PTPRT: variants seen among roughly 807,000 people sequenced by gnomAD.
The protein encoded by PTPRT is receptor-type tyrosine-protein phosphatase T.
PTPRT carries 56 observed loss-of-function variants against 176.8 expected under a neutral mutation model. The ratio of observed to expected loss-of-function variants is 0.32; its 90% CI spans 0.26 to 0.40. The LOEUF (loss-of-function observed/expected upper bound fraction) is 0.40, where lower values mean the gene tolerates loss of function less well. PTPRT is among the 10% of genes least tolerant of loss of function. The pLI is 1.00. For synonymous variants in PTPRT, 783 were observed against 739.0 expected, an observed-to-expected ratio of 1.06 and a Z score of -0.96; for missense variants, 1,540 against 1,908.2, an observed-to-expected ratio of 0.81 and a Z score of 3.60.
intron 5 of PTPRT, 34 bp downstream of exon 5, chr20:42,771,400 TA>T (rs2077060348): frequency 6.4e-7 from 1 of 1,553,298 alleles, no homozygotes; most frequent in Admixed American, 1.7e-5. Context: ...TTTCTCATCC[TA>T]ACGAGTCTGA....
rs201766609 is a variant in PTPRT at position 42,300,777 on chromosome 20, T to TTA, written c.2139+14944_2139+14945dup. ...ATTTGTATTATTATTATTATTATTATTATTTATTATTATTATACTTTAAGT... is the reference window on the plus strand; with the variant it reads ...ATTTGTATTATTATTATTATTATTATTATATTTATTATTATTATACTTTAAGT... On this transcript the variant is annotated intron_variant, in intron 12 of 30. Transcript: ENST00000373187. Among the ~76,000 whole-genome samples, 913 of 149,144 alleles carry TTA rather than the reference T, an allele frequency of 6.1e-3. 11 individuals are homozygous for TTA. The highest frequency in any genetic ancestry group is 0.022 in the African/African-American group (873 of 40,558).
chr20:42,658,578 C>T (rs1332088876), intron 7 of PTPRT, among the ~76,000 whole-genome samples: 1 of 152,172 alleles, frequency 6.6e-6, no homozygotes, highest in Non-Finnish European at 1.5e-5. Flanking sequence ...GTGCACTGGG[C>T]AACCAAAAGT....
intron 7 of PTPRT, among the ~76,000 whole-genome samples, chr20:42,579,655 G>A (rs1359296087): frequency 6.6e-6 from 1 of 152,154 alleles, no homozygotes; most frequent in East Asian, 1.9e-4. Context: ...TTCTCTGATG[G>A]CCAGTGATGA....
At chr20:42,933,793 C>T (rs1367875016) in intron 1 of PTPRT, among the ~76,000 whole-genome samples, 1 of 152,078 alleles carries the variant, frequency 6.6e-6, no homozygotes, top group African/African-American at 2.4e-5. Context: ...AAGAAGAGGC[C>T]ACGTCTTCAG....
intron 1 of PTPRT, among the ~76,000 whole-genome samples, chr20:43,158,883 T>C (rs1176511944): frequency 6.6e-6 from 1 of 152,218 alleles, no homozygotes; most frequent in Non-Finnish European, 1.5e-5. Context: ...TGGTTTATAT[T>C]GTGCAGTAAG....
intron 11 of PTPRT, among the ~76,000 whole-genome samples, chr20:42,338,678 C>G (rs1405202105): frequency 6.6e-6 from 1 of 152,148 alleles, no homozygotes; most frequent in African/African-American, 2.4e-5. Context: ...ATTGATTCCT[C>G]TTCCTACTTT....
intron 7 of PTPRT, among the ~76,000 whole-genome samples, chr20:42,555,546 T>G (rs1291109241): frequency 6.6e-6 from 1 of 152,164 alleles, no homozygotes; most frequent in Admixed American, 6.5e-5. Flanking sequence ...TAGGATGTGT[T>G]ATTGTTCAAT....
intron 7 of PTPRT, among the ~76,000 whole-genome samples, chr20:42,592,892 C>G (rs867931085): frequency 1.3e-5 from 2 of 152,196 alleles, no homozygotes; most frequent in Non-Finnish European, 2.9e-5. Flanking sequence ...TCTTCTGTAT[C>G]CTTTGTCAGT....
At position 43,106,666 on chromosome 20, in the gene PTPRT, G is replaced by GAA. The variant is rs71193676; in HGVS notation, c.88+82978_88+82979dup. On this transcript the variant is annotated intron_variant, in intron 1 of 30. Transcript: ENST00000373187. ...ACAGCGAGACTCCATCTCAAAAAAA[G>GAA]AAAAAAAAAAAAAAAAAAAAGGAAT... Among the ~76,000 whole-genome samples, 267 of 87,000 alleles carry GAA rather than the reference G, an allele frequency of 3.1e-3. 4 individuals are homozygous for GAA. The highest frequency in any genetic ancestry group is 8.3e-3 in the African/African-American group (178 of 21,324). 57.1% of individuals were successfully genotyped at this position (87,000 alleles called of 152,430 possible).
chr20:42,685,867 G>A (rs1385183355), intron 6 of PTPRT: 2 of 151,986 alleles, frequency 1.3e-5, no homozygotes, highest in Non-Finnish European at 2.9e-5. Context: ...TTTACATCTG[G>A]ATGTGACCTC....
At chr20:42,957,528 C>G (rs1444056398) in intron 1 of PTPRT, among the ~76,000 whole-genome samples, 6 of 152,206 alleles carry the variant, frequency 3.9e-5, no homozygotes, top group Middle Eastern at 3.4e-3. Flanking sequence ...TAAGGGAAAT[C>G]TTCTGATTCT....
intron 2 of PTPRT, among the ~76,000 whole-genome samples, chr20:42,819,125 GAA>G (rs1172279252): frequency 2.6e-5 from 4 of 152,100 alleles, no homozygotes; most frequent in African/African-American, 7.2e-5. Flanking sequence ...CAAAATGAAG[GAA>G]AAACTATTAA....
chr20:42,157,765 G>T (rs1989426104), intron 17 of PTPRT, among the ~76,000 whole-genome samples: 1 of 152,214 alleles, frequency 6.6e-6, no homozygotes. Flanking sequence ...TACATGGTAG[G>T]AATAATGCAG....
intron 1 of PTPRT, among the ~76,000 whole-genome samples, chr20:43,092,913 TG>T: frequency 6.6e-6 from 1 of 152,326 alleles, no homozygotes; most frequent in East Asian, 1.9e-4. Context: ...ACTGATACAA[TG>T]AGGCAATGCT....
chr20:42,085,946 CTTTTTCTTTTTTTT>C (rs1983857057), intron 27 of PTPRT, 93 bp from the exon 28 acceptor site: 3 of 1,373,498 alleles, frequency 2.2e-6, no homozygotes, highest in Non-Finnish European at 2.9e-6. Context: ...TTCTTTTTTT[CTTTTTCTTTTTTTT>C]TTTTGAGATG....
intron 2 of PTPRT, among the ~76,000 whole-genome samples, chr20:42,810,291 G>T (rs1189846608): frequency 6.6e-6 from 1 of 152,072 alleles, no homozygotes; most frequent in Non-Finnish European, 1.5e-5. Flanking sequence ...ACAGAGTGAG[G>T]CTCCATCAAC....
At chr20:42,459,333 C>T (rs1008560282) in intron 8 of PTPRT, among the ~76,000 whole-genome samples, 7 of 152,144 alleles carry the variant, frequency 4.6e-5, no homozygotes, top group South Asian at 2.1e-4. Flanking sequence ...CGTGAAACTT[C>T]GGGTTTTTAA....
Position 42,110,407 on chromosome 20 carries a change from A to G in PTPRT, c.3180T>C (p.Thr1060=), listed in dbSNP as rs554327127. The change falls in exon 23 of 31, where the codon ACT becomes ACC. Residue 1060 remains threonine, a synonymous_variant. Transcript: ENST00000373187. ...CCTGGCGGACGAAGCCCAGAAGGCC[A>G]GTGGCATAGCAGGGAACGCCGTGGT... ...WPDHGVPCYA[T]GLLGFVRQVK... is the part of the protein sequence containing the mutation. 89 of 1,612,902 alleles carry G rather than the reference A, an allele frequency of 5.5e-5. 1 individual carries two copies. In the South Asian group the frequency reaches 9.5e-4, roughly 17 times the overall value.
At chr20:42,185,848 G>C (rs1600648860) in intron 16 of PTPRT, among the ~76,000 whole-genome samples, 1 of 152,048 alleles carries the variant, frequency 6.6e-6, no homozygotes, top group African/African-American at 2.4e-5. Flanking sequence ...AAAATAAATG[G>C]TCCTTCCCTC....
Sources: gnomAD v4.1 joint callset for allele counts (sites outside exome capture counted in the v4.1 genomes callset) on GRCh38, gnomAD v4.1.1 for gene constraint, MANE v1.5 for transcripts, NCBI Gene and HGNC (gene_info 2026-07-23, HGNC 2026-07-21) for gene names.